Variants in HMGN3 observed in about 807,000 individuals in gnomAD.
HMGN3 encodes high mobility group nucleosomal binding domain 3, also known as high mobility group nucleosome-binding domain-containing protein 3.
A neutral mutation model predicts 18.8 loss-of-function variants in HMGN3; 6 were observed. The observed-to-expected ratio is 0.32, with a 90% confidence interval of 0.18 to 0.63. HMGN3 has a LOEUF of 0.63. Ranked by LOEUF, HMGN3 falls within the 30% of genes least tolerant of loss-of-function variation. The pLI is 0.79. For missense variants in HMGN3, 107 were observed against 114.2 expected, an observed-to-expected ratio of 0.94 and a Z score of 0.29; for synonymous variants, 40 against 36.5, an observed-to-expected ratio of 1.10 and a Z score of -0.35.
intron 1 of HMGN3, among the ~76,000 whole-genome samples, chr6:79,224,211 G>A (rs1196670158): frequency 1.3e-5 from 2 of 152,124 alleles, no homozygotes; most frequent in African/African-American, 4.8e-5. Flanking sequence ...TAACAGAAGA[G>A]CTGGAATTCA....
intron 1 of HMGN3, among the ~76,000 whole-genome samples, chr6:79,217,330 G>C (rs1273991008): frequency 6.6e-6 from 1 of 152,180 alleles, no homozygotes; most frequent in Non-Finnish European, 1.5e-5. Context: ...CAAGACACCT[G>C]GTTTGAATCT....
intron 3 of HMGN3, among the ~76,000 whole-genome samples, chr6:79,204,386 CA>C (rs1445163958): frequency 2.6e-5 from 4 of 152,232 alleles, no homozygotes; most frequent in African/African-American, 9.6e-5. Context: ...CCATGAGCAG[CA>C]CCTGCACACC....
chr6:79,203,604 G>A (rs140809230), exon 4 of HMGN3: 46 of 1,613,108 alleles, frequency 2.9e-5, no homozygotes, highest in Admixed American at 6.7e-5. Context: ...TTCTTGGTTT[G>A]GGTTCAGGTT....
intron 3 of HMGN3, among the ~76,000 whole-genome samples, chr6:79,206,789 C>T (rs1776443416): frequency 6.6e-6 from 1 of 152,206 alleles, no homozygotes; most frequent in African/African-American, 2.4e-5. Flanking sequence ...TGCAGCCATT[C>T]AATGCCAGCC....
intron 2 of HMGN3, among the ~76,000 whole-genome samples, chr6:79,209,708 T>C (rs1417918522): frequency 4.6e-5 from 7 of 152,194 alleles, no homozygotes; most frequent in Admixed American, 3.3e-4. Context: ...ATTCTTGAAG[T>C]GGGGCTAAGG....
intron 4 of HMGN3, among the ~76,000 whole-genome samples, chr6:79,202,643 A>G (rs577198330): frequency 6.6e-6 from 1 of 152,242 alleles, no homozygotes; most frequent in African/African-American, 2.4e-5. Flanking sequence ...AAACACAATG[A>G]TTCCTCTCCT....
chr6:79,219,535 T>G (rs1777163756), intron 1 of HMGN3, among the ~76,000 whole-genome samples: 1 of 152,092 alleles, frequency 6.6e-6, no homozygotes, highest in African/African-American at 2.4e-5. Flanking sequence ...ACTAATAAAT[T>G]TAATTAACCA....
chr6:79,213,105 C>G (rs13210935), intron 2 of HMGN3, among the ~76,000 whole-genome samples: 7,713 of 151,706 alleles, frequency 0.051, 214 homozygotes, highest in South Asian at 0.1. Context: ...GCCAGGTGTG[C>G]TAGCATGCAC....
intron 1 of HMGN3, chr6:79,234,069 G>A (rs12191682): frequency 0.49 from 76,985 of 155,604 alleles, 19,768 homozygotes; most frequent in East Asian, 0.86. Context: ...TAGCCTAGGA[G>A]CCACCGCAGC....
At chr6:79,233,127 T>C (rs1223572506) in intron 1 of HMGN3, among the ~76,000 whole-genome samples, 1 of 152,204 alleles carries the variant, frequency 6.6e-6, no homozygotes, top group Non-Finnish European at 1.5e-5. Context: ...GATTAAATCT[T>C]TACTAGTAGT....
rs867635433 is a variant in HMGN3 at position 79,204,179 on chromosome 6, A to G, written c.97-549T>C. 1.1e-4 allele frequency among the ~76,000 whole-genome samples: 16 copies of G among 152,322 alleles called. No individual in the cohort carries two copies. In the South Asian group the frequency reaches 2.3e-3, roughly 22 times the overall value. On this transcript the variant is annotated intron_variant, in intron 3 of 5. Coordinates refer to ENST00000344726, the Ensembl canonical transcript of HMGN3. ...TCCTACTTTTATTCTCCCCAATGCC[A>G]GCTCAAGGTGAGAATCTCTTGTCTA... is the stretch of plus-strand genomic sequence containing the variant.
intron 1 of HMGN3, among the ~76,000 whole-genome samples, chr6:79,232,000 A>G (rs1194294525): frequency 6.6e-6 from 1 of 152,200 alleles, no homozygotes; most frequent in East Asian, 1.9e-4. Flanking sequence ...TGCTCTGCAG[A>G]ACAACTTACT....
intron 1 of HMGN3, among the ~76,000 whole-genome samples, chr6:79,229,370 T>C (rs185457997): frequency 6.6e-6 from 1 of 152,280 alleles, no homozygotes; most frequent in East Asian, 1.9e-4. Flanking sequence ...CAATTAAAAA[T>C]GGGCAAAATA....
chr6:79,231,046 T>G (rs1777813775), intron 1 of HMGN3, among the ~76,000 whole-genome samples: 1 of 152,196 alleles, frequency 6.6e-6, no homozygotes, highest in South Asian at 2.1e-4. Flanking sequence ...CTTAAACCTT[T>G]AAGTGTCAAG....
intron 1 of HMGN3, among the ~76,000 whole-genome samples, chr6:79,226,013 C>T (rs1777548356): frequency 6.6e-6 from 1 of 152,166 alleles, no homozygotes; most frequent in South Asian, 2.1e-4. Flanking sequence ...ATGTTTCATT[C>T]ATTAGGCACT....
chr6:79,222,617 T>C lies in HMGN3; in HGVS notation c.16-7595A>G, dbSNP rs553399757. On this transcript the variant is annotated intron_variant, in intron 1 of 5. Coordinates refer to ENST00000344726, the Ensembl canonical transcript of HMGN3. ...TAACAATGGCTTGGTTGTTTTTCAT[T>C]GATCCTGTAGGTGTATGTCTGGGAT... 4.6e-5 allele frequency among the ~76,000 whole-genome samples: 7 copies of C among 152,368 alleles called. No homozygotes were observed. The East Asian group carries it at 1.3e-3, about 29-fold the overall frequency.
chr6:79,219,765 A>G (rs1582428974), intron 1 of HMGN3, among the ~76,000 whole-genome samples: 2 of 152,148 alleles, frequency 1.3e-5, no homozygotes, highest in African/African-American at 4.8e-5. Context: ...GATTAATGAG[A>G]TATTTCACAG....
chr6:79,204,255 A>G (rs1009807546), intron 3 of HMGN3, among the ~76,000 whole-genome samples: 17 of 152,224 alleles, frequency 1.1e-4, no homozygotes, highest in African/African-American at 3.9e-4. Context: ...TGAGAACATC[A>G]TTATAATGAT....
At chr6:79,217,265 T>A (rs1777036423) in intron 1 of HMGN3, among the ~76,000 whole-genome samples, 1 of 152,184 alleles carries the variant, frequency 6.6e-6, no homozygotes, top group African/African-American at 2.4e-5. Flanking sequence ...TCAGGAACAA[T>A]CAATCTTTAC....
Sources: gnomAD v4.1 joint callset for allele counts (sites outside exome capture counted in the v4.1 genomes callset) on GRCh38, gnomAD v4.1.1 for gene constraint, MANE v1.5 for transcripts, NCBI Gene and HGNC (gene_info 2026-07-23, HGNC 2026-07-21) for gene names.